CA10: variants seen among roughly 807,000 people sequenced by gnomAD.
CA10 encodes carbonic anhydrase 10 (inactive), also known as carbonic anhydrase-related protein 10.
Under a neutral mutation model 44.2 loss-of-function variants are expected in CA10, and 14 were observed. The ratio of observed to expected loss-of-function variants is 0.32; its 90% CI spans 0.21 to 0.50. The LOEUF (loss-of-function observed/expected upper bound fraction) is 0.50, where lower values mean the gene tolerates loss of function less well. CA10 is among the 20% of genes least tolerant of loss of function. CA10 has a pLI of 0.99. For missense variants in CA10, 350 were observed against 409.7 expected (o/e 0.85, Z 1.26); for synonymous variants, 159 against 141.6 (o/e 1.12, Z -0.87).
At chr17:51,874,646 T>G (rs566998413) in intron 3 of CA10, among the ~76,000 whole-genome samples, 4 of 152,268 alleles carry the variant, frequency 2.6e-5, no homozygotes, top group Admixed American at 6.5e-5. Flanking sequence ...ACTGAAAACA[T>G]TGATACTCAG....
chr17:52,046,153 T>TA (rs1331356740), intron 2 of CA10, among the ~76,000 whole-genome samples: 5 of 151,526 alleles, frequency 3.3e-5, no homozygotes, highest in African/African-American at 1.2e-4. Context: ...GCTTTCAGCT[T>TA]AAAAAACTAG....
Position 52,033,831 on chromosome 17 carries a change from C to T in CA10, c.136+38488G>A, listed in dbSNP as rs1986539133. Among the ~76,000 whole-genome samples, 3 of 152,290 alleles carry T rather than the reference C, an allele frequency of 2.0e-5. No homozygotes were observed. In the South Asian group the frequency reaches 6.2e-4, roughly 32 times the overall value. ...TCAATTATATACAATAGGGTTTGCA[C>T]TCCTAAGAGATTATTCAGCTTTTAA... is the stretch of plus-strand genomic sequence containing the variant. On this transcript the variant is annotated intron_variant, in intron 2 of 8. Coordinates refer to ENST00000451037, the MANE Select transcript of CA10 (RefSeq NM_020178.5).
intron 3 of CA10, among the ~76,000 whole-genome samples, chr17:51,920,010 G>A (rs775143384): frequency 2.6e-5 from 4 of 152,160 alleles, no homozygotes; most frequent in Non-Finnish European, 2.9e-5. Flanking sequence ...GTGGTATGAT[G>A]TGATGGCTAC....
intron 1 of CA10, among the ~76,000 whole-genome samples, chr17:52,155,802 A>G (rs143016326): frequency 6.6e-6 from 1 of 152,332 alleles, no homozygotes; most frequent in African/African-American, 2.4e-5. Context: ...AGCAATAATG[A>G]TTATTTAGTA....
At chr17:51,816,619 A>T (rs1021039464) in intron 3 of CA10, among the ~76,000 whole-genome samples, 4 of 152,248 alleles carry the variant, frequency 2.6e-5, no homozygotes, top group Admixed American at 6.5e-5. Flanking sequence ...TTCTAATACA[A>T]ATCAGAAATA....
chr17:51,704,156 T>C (rs1482852253), intron 4 of CA10, among the ~76,000 whole-genome samples: 3 of 152,242 alleles, frequency 2.0e-5, no homozygotes, highest in Admixed American at 2.0e-4. Flanking sequence ...CATCCATCAA[T>C]GCATGCATGC....
chr17:52,094,022 T>G (rs969292960), intron 1 of CA10, among the ~76,000 whole-genome samples: 1 of 152,136 alleles, frequency 6.6e-6, no homozygotes, highest in East Asian at 1.9e-4. Context: ...GAAACCATCA[T>G]TCTCAGCAAA....
At chr17:52,085,556 G>C (rs374689945) in intron 1 of CA10, among the ~76,000 whole-genome samples, 3 of 152,184 alleles carry the variant, frequency 2.0e-5, no homozygotes, top group Admixed American at 1.3e-4. Context: ...GTGTTCCAAT[G>C]AAACTTTCAA....
At chr17:51,710,838 C>G (rs1033015187) in intron 4 of CA10, among the ~76,000 whole-genome samples, 2 of 151,230 alleles carry the variant, frequency 1.3e-5, no homozygotes, top group Non-Finnish European at 2.9e-5. Context: ...CAAATTGGCT[C>G]TCTTCTGGCC....
intron 2 of CA10, among the ~76,000 whole-genome samples, chr17:52,017,999 C>T (rs931714913): frequency 1.3e-5 from 2 of 152,128 alleles, no homozygotes; most frequent in Non-Finnish European, 2.9e-5. Flanking sequence ...AGTTGTAAGC[C>T]TTTTCAGCTT....
chr17:52,117,845 A>T (rs1276794617), intron 1 of CA10, among the ~76,000 whole-genome samples: 1 of 152,242 alleles, frequency 6.6e-6, no homozygotes, highest in African/African-American at 2.4e-5. Flanking sequence ...AATTTTTTAA[A>T]ATTAGATAAG....
chr17:52,093,945 G>A (rs551084484), intron 1 of CA10, among the ~76,000 whole-genome samples: 1 of 152,196 alleles, frequency 6.6e-6, no homozygotes, highest in East Asian at 1.9e-4. Flanking sequence ...CTGAAAGCAA[G>A]ATTCAGCTCT....
intron 2 of CA10, among the ~76,000 whole-genome samples, chr17:51,934,173 T>C (rs1463762400): frequency 6.6e-6 from 1 of 152,120 alleles, no homozygotes; most frequent in Non-Finnish European, 1.5e-5. Context: ...AAATCAGCTA[T>C]GAATTAATAG....
chr17:52,147,851 C>T (rs1222962848), intron 1 of CA10, among the ~76,000 whole-genome samples: 2 of 152,038 alleles, frequency 1.3e-5, no homozygotes, highest in East Asian at 1.9e-4. Flanking sequence ...ACAATAGGGC[C>T]CCTTTTTTTT....
At chr17:51,930,475 A>C (rs1273021987) in intron 3 of CA10, among the ~76,000 whole-genome samples, 1 of 152,150 alleles carries the variant, frequency 6.6e-6, no homozygotes, top group Non-Finnish European at 1.5e-5. Context: ...CCAGCTCAGC[A>C]TTTCTGTGCA....
chr17:51,865,566 G>T (rs552719108), intron 3 of CA10, among the ~76,000 whole-genome samples: 1 of 150,796 alleles, frequency 6.6e-6, no homozygotes, highest in African/African-American at 2.5e-5. Flanking sequence ...GGGAGCCGGT[G>T]GGGGGGAACC....
In CA10 at chr17:51,717,553, A is replaced by ATG. The variant is rs1170206336; in HGVS notation, c.465+30079_465+30080insCA. Among the ~76,000 whole-genome samples, 291 of 87,790 alleles carry ATG rather than the reference A, an allele frequency of 3.3e-3. 21 individuals are homozygous for ATG. The highest frequency in any genetic ancestry group is 9.4e-3 in the African/African-American group (279 of 29,638). 57.6% of individuals were successfully genotyped at this position (87,790 alleles called of 152,430 possible). ...GGTATATATATATATATATATATATATATATATAATATTACATAAATATAT... is the reference window on the plus strand; with the variant it reads ...GGTATATATATATATATATATATATATGTATATATAATATTACATAAATATAT... On this transcript the variant is annotated intron_variant, in intron 4 of 8. Transcript: ENST00000451037.
At chr17:51,955,612 T>C (rs1384072223) in intron 2 of CA10, among the ~76,000 whole-genome samples, 1 of 152,130 alleles carries the variant, frequency 6.6e-6, no homozygotes, top group Non-Finnish European at 1.5e-5. Flanking sequence ...TGAGAAACCT[T>C]CCAGCCAAAA....
At chr17:52,042,680 A>C in intron 2 of CA10, among the ~76,000 whole-genome samples, 1 of 151,982 alleles carries the variant, frequency 6.6e-6, no homozygotes, top group East Asian at 1.9e-4. Flanking sequence ...GGCAAGACCA[A>C]TATCAAGGAG....
Sources: gnomAD v4.1 joint callset for allele counts (sites outside exome capture counted in the v4.1 genomes callset) on GRCh38, gnomAD v4.1.1 for gene constraint, MANE v1.5 for transcripts, NCBI Gene and HGNC (gene_info 2026-07-23, HGNC 2026-07-21) for gene names.